PCYT1A: variants seen among roughly 807,000 people sequenced by gnomAD.
PCYT1A encodes the protein phosphate cytidylyltransferase 1A, choline.
In PCYT1A, 25 loss-of-function variants were observed where a neutral mutation model predicts 43.7. The observed-to-expected ratio is 0.57, with a 90% confidence interval of 0.42 to 0.80. The LOEUF (loss-of-function observed/expected upper bound fraction) is 0.80. Among genes scored for constraint, PCYT1A ranks in the 30% least tolerant of loss-of-function variants. The pLI is 0.00. For synonymous variants in PCYT1A, 172 were observed against 170.7 expected, an observed-to-expected ratio of 1.01 and a Z score of -0.06; for missense variants, 421 against 474.2, an observed-to-expected ratio of 0.89 and a Z score of 1.04.
intron 2 of PCYT1A, among the ~76,000 whole-genome samples, chr3:196,269,303 G>A (rs1182791961): frequency 2.6e-5 from 4 of 152,122 alleles, no homozygotes; most frequent in Admixed American, 6.6e-5. Context: ...GCATTCATTT[G>A]GAATAAGTAT....
At chr3:196,256,288 G>A (rs1416134486) in intron 3 of PCYT1A, among the ~76,000 whole-genome samples, 5 of 152,090 alleles carry the variant, frequency 3.3e-5, no homozygotes, top group Non-Finnish European at 4.4e-5. Flanking sequence ...TCAGGAGTTC[G>A]AGGCCAGCCT....
At chr3:196,270,945 T>C (rs1445430635) in intron 1 of PCYT1A, among the ~76,000 whole-genome samples, 1 of 152,232 alleles carries the variant, frequency 6.6e-6, no homozygotes, top group East Asian at 1.9e-4. Flanking sequence ...TGTGAAGGTA[T>C]GACTGGTGCA....
intron 2 of PCYT1A, among the ~76,000 whole-genome samples, chr3:196,263,438 G>C (rs1021749361): frequency 3.3e-5 from 5 of 152,052 alleles, no homozygotes; most frequent in African/African-American, 1.2e-4. Context: ...GCCCAGGCTG[G>C]TCTCAAATTC....
In PCYT1A at chr3:196,238,672, A is replaced by G; in HGVS notation, c.*16T>C. On this transcript the variant is annotated 3_prime_UTR_variant, in exon 9 of 9. Transcript: ENST00000431016. The stretch of plus-strand genomic sequence containing the variant: ...AATGGGACAGAAAGGGAGGACAGGA[A>G]AGGAGGGAGGAAACATTAGTCTTCT... 6.8e-7 allele frequency: 1 copy of G among 1,472,244 alleles called. No individual in the cohort carries two copies. Among genetic ancestry groups the G allele is most frequent in the Non-Finnish European group, 9.1e-7 (1 of 1,099,296 alleles). 91.2% of individuals were successfully genotyped at this position (1,472,244 alleles called of 1,614,324 possible). A position where few individuals can be genotyped will look rare whatever the true frequency, so the allele number is the denominator to read the frequency against.
rs1724828948 is a variant in PCYT1A, at chr3:196,252,327, A to T, written c.218-4004T>A. Among the ~76,000 whole-genome samples the T allele has an allele frequency of 6.6e-6, 1 of 152,164 alleles. No homozygotes were observed. The highest frequency in any genetic ancestry group is 2.1e-4 in the South Asian group (1 of 4,830). On this transcript the variant is annotated intron_variant, in intron 3 of 8. Coordinates refer to ENST00000431016, the MANE Select transcript of PCYT1A (RefSeq NM_001312673.2). The surrounding 1 kb of genome is among the most constrained non-coding windows in gnomAD (Gnocchi z 4.0). ...TGGTGACATGATCTAGGCTCACTGC[A>T]ACCTCTGCCTCCTGGGTTCAAGTGA...
At chr3:196,271,587 G>A (rs1725432477) in intron 1 of PCYT1A, among the ~76,000 whole-genome samples, 1 of 144,170 alleles carries the variant, frequency 6.9e-6, no homozygotes, top group Admixed American at 7.1e-5. Flanking sequence ...TTTTTTAAAT[G>A]TCCTTCTCCT....
chr3:196,280,095 T>C (rs1240106402), intron 1 of PCYT1A, among the ~76,000 whole-genome samples: 2 of 152,132 alleles, frequency 1.3e-5, no homozygotes, highest in Non-Finnish European at 2.9e-5. Flanking sequence ...TCTCCCAAAG[T>C]GCTGGGATTA....
intron 1 of PCYT1A, among the ~76,000 whole-genome samples, chr3:196,278,296 G>A (rs1002756726): frequency 1.3e-5 from 2 of 152,150 alleles, no homozygotes; most frequent in Non-Finnish European, 2.9e-5. Flanking sequence ...ATATTTCTTG[G>A]ACTCTCAGTT....
chr3:196,243,737 T>C (rs111358609), intron 5 of PCYT1A, among the ~76,000 whole-genome samples: 2 of 152,264 alleles, frequency 1.3e-5, no homozygotes, highest in Non-Finnish European at 2.9e-5. Flanking sequence ...GGTTTTGCTG[T>C]GTTGGCCGGG....
chr3:196,247,955 C>T lies in PCYT1A; in HGVS notation c.334+252G>A, dbSNP rs1724621615. On this transcript the variant is annotated intron_variant, in intron 4 of 8. Transcript: ENST00000431016. This position sits in a 1 kb window ranked among gnomAD's most constrained non-coding sequence, Gnocchi z 4.8. Reference sequence around the variant, plus strand: ...GTTTTAAAGTGGACAACGGAAGTCACGGCTGCTCCTGTGACCACAGAAACT... The same window carrying T: ...GTTTTAAAGTGGACAACGGAAGTCATGGCTGCTCCTGTGACCACAGAAACT... 2 of 534,906 alleles carry T rather than the reference C, an allele frequency of 3.7e-6. No individual in the cohort carries two copies. The highest frequency in any genetic ancestry group is 2.1e-5 in the South Asian group (1 of 48,066). The allele number at this position is 534,906 out of a possible 1,614,324, so 33.1% of individuals were successfully genotyped here. A position where few individuals can be genotyped will look rare whatever the true frequency, so the allele number is the denominator to read the frequency against.
Position 196,238,632 on chromosome 3 carries a change from A to G in PCYT1A, c.*56T>C. 1 of 1,186,906 alleles carries G rather than the reference A, an allele frequency of 8.4e-7. No homozygotes were observed. The allele number at this position is 1,186,906 out of a possible 1,614,324, so 73.5% of individuals were successfully genotyped here. ...GGGGTCACAATTTGGAATTCAACAG[A>G]GAGCTTCTGAAGGTAATGGGACAGA... On this transcript the variant is annotated 3_prime_UTR_variant, in exon 9 of 9. Transcript: ENST00000431016.
intron 2 of PCYT1A, 103 bp downstream of exon 2, chr3:196,270,312 C>G: frequency 5.1e-6 from 4 of 782,480 alleles, no homozygotes; most frequent in Non-Finnish European, 6.6e-6. Context: ...TGAAAATACA[C>G]TTACTATTCC....
At chr3:196,244,331 T>G (rs1166040635) in intron 5 of PCYT1A, among the ~76,000 whole-genome samples, 2 of 135,286 alleles carry the variant, frequency 1.5e-5, no homozygotes, top group Admixed American at 1.5e-4. Context: ...GAGCGCCTCC[T>G]CCCCGCCGCC....
At chr3:196,246,864 G>A (rs966474083) in intron 5 of PCYT1A, among the ~76,000 whole-genome samples, 3 of 151,626 alleles carry the variant, frequency 2.0e-5, no homozygotes, top group Non-Finnish European at 4.4e-5. Context: ...AACTTGTGGC[G>A]AGTTCAGTTC....
chr3:196,260,646 A>G lies in PCYT1A; in HGVS notation c.118-2759T>C, dbSNP rs1196051868. Among the ~76,000 whole-genome samples the G allele has an allele frequency of 2.6e-5, 4 of 152,186 alleles. No individual in the cohort carries two copies. The East Asian group carries it at 5.8e-4, about 22-fold the overall frequency. Reference sequence around the variant, plus strand: ...CCACCTAGGTCGGGAGTTCGAGACCAGCCTGGCCAGCATGGTAAAATCCCA... The same window carrying G: ...CCACCTAGGTCGGGAGTTCGAGACCGGCCTGGCCAGCATGGTAAAATCCCA... On this transcript the variant is annotated intron_variant, in intron 2 of 8. Transcript: ENST00000431016.
At chr3:196,286,751 T>C (rs1725924228) in intron 1 of PCYT1A, among the ~76,000 whole-genome samples, 3 of 152,070 alleles carry the variant, frequency 2.0e-5, no homozygotes, top group Non-Finnish European at 4.4e-5. Context: ...CCATCTCTAC[T>C]AAAAATACAA....
chr3:196,239,666 AC>A lies in PCYT1A; in HGVS notation c.777del (p.Lys259AsnfsTer41). 1 of 1,611,760 alleles carries A rather than the reference AC, an allele frequency of 6.2e-7. No individual in the cohort carries two copies. The highest frequency in any genetic ancestry group is 1.1e-5 in the South Asian group (1 of 91,028). ...VKKKVKDVEE[K>X]SKEFVQKVEE... ...TCCACCTTCTGAACAAATTCTTTTG[AC>A]TTTTCCTCCACATCTTTCACTTTCT... is the stretch of plus-strand genomic sequence containing the variant. On this transcript the variant is annotated frameshift_variant, in exon 8 of 9. Coordinates refer to ENST00000431016, the MANE Select transcript of PCYT1A (RefSeq NM_001312673.2). LOFTEE classifies it high-confidence loss of function.
rs536591984 is a variant in PCYT1A, at chr3:196,239,466, G to A, written c.897+81C>T. ...ATAGACTAGATAACTTCTCAGTGTC[G>A]ATGCCCCTTCCTGCTCAATGATTCT... On this transcript the variant is annotated intron_variant, in intron 8 of 8. Transcript: ENST00000431016. 2.8e-4 allele frequency: 239 copies of A among 866,970 alleles called. 3 individuals carry two copies. The South Asian group carries it at 3.3e-3, about 12-fold the overall frequency. 53.7% of individuals were successfully genotyped at this position (866,970 alleles called of 1,614,324 possible). A position where few individuals can be genotyped will look rare whatever the true frequency, so the allele number is the denominator to read the frequency against.
chr3:196,262,786 CT>C lies in PCYT1A; in HGVS notation c.118-4900del, dbSNP rs200006356. On this transcript the variant is annotated intron_variant, in intron 2 of 8. Transcript: ENST00000431016. ...GTACACTTTTTACTTTCTAAGGATT[CT>C]TTTTTTTTTTTTTTGGCTTTTTTTT... 4.5e-3 allele frequency among the ~76,000 whole-genome samples: 622 copies of C among 138,236 alleles called. 2 individuals carry two copies. The highest frequency in any genetic ancestry group is 0.011 in the African/African-American group (419 of 37,220). The allele number at this position is 138,236 out of a possible 152,430, so 90.7% of individuals were successfully genotyped here.
Sources: gnomAD v4.1 joint callset for allele counts (sites outside exome capture counted in the v4.1 genomes callset) on GRCh38, gnomAD v4.1.1 for gene constraint, Gnocchi (gnomAD v3.1) non-coding constraint, MANE v1.5 for transcripts, NCBI Gene and HGNC (gene_info 2026-07-23, HGNC 2026-07-21) for gene names.